NALCN: variants seen among roughly 807,000 people sequenced by gnomAD.
NALCN encodes the protein sodium leak channel NALCN.
In NALCN, 111 loss-of-function variants were observed where a neutral mutation model predicts 225.3. The observed-to-expected ratio is 0.49, with a 90% CI of 0.42 to 0.58. NALCN has a LOEUF of 0.58. Among genes scored for constraint, NALCN ranks in the 20% least tolerant of loss-of-function variants. The pLI is 0.00. For missense variants in NALCN, 1,378 were observed against 2,202.4 expected (o/e 0.63, Z 7.49); for synonymous variants, 764 against 769.0 (o/e 0.99, Z 0.11).
rs767899309 is a variant in NALCN, at chr13:101,346,057, T to TTCTCTCTCTC, written c.645-647_645-638dup. 8.6e-3 allele frequency among the ~76,000 whole-genome samples: 650 copies of TTCTCTCTCTC among 75,388 alleles called. 8 individuals carry two copies. Among genetic ancestry groups the TTCTCTCTCTC allele is most frequent in the Non-Finnish European group, 9.3e-3 (365 of 39,452 alleles). The allele number at this position is 75,388 out of a possible 152,430, so 49.5% of individuals were successfully genotyped here. The stretch of plus-strand genomic sequence containing the variant: ...TATATATATGAGACCTTGAGAGACT[T>TTCTCTCTCTC]TCTCTCTCTCTCTCTCTCTCTCTCT... On this transcript the variant is annotated intron_variant, in intron 6 of 43. Coordinates refer to ENST00000251127, the MANE Select transcript of NALCN (RefSeq NM_052867.4).
At chr13:101,262,788 G>GT (rs1296458024) in intron 10 of NALCN, among the ~76,000 whole-genome samples, 1 of 152,260 alleles carries the variant, frequency 6.6e-6, no homozygotes, top group African/African-American at 2.4e-5. Flanking sequence ...GCCTGGAGCC[G>GT]TAACTCCACC....
intron 7 of NALCN, among the ~76,000 whole-genome samples, chr13:101,329,304 C>T (rs1399679837): frequency 6.6e-6 from 1 of 152,072 alleles, no homozygotes; most frequent in Non-Finnish European, 1.5e-5. Flanking sequence ...TGCTTATTTG[C>T]TGAAGTACTT....
chr13:101,127,355 CTTTTG>C (rs766844926), intron 17 of NALCN, among the ~76,000 whole-genome samples: 3 of 152,004 alleles, frequency 2.0e-5, no homozygotes, highest in Non-Finnish European at 4.4e-5. Context: ...TTGGGATGTT[CTTTTG>C]TTTTGTTTTG....
chr13:101,176,264 G>T, intron 15 of NALCN, 36 bp downstream of exon 15: 2 of 1,450,376 alleles, frequency 1.4e-6, no homozygotes, highest in Admixed American at 2.6e-5. Context: ...CTGGTTTTTT[G>T]TCCTTTTTAA....
intron 17 of NALCN, among the ~76,000 whole-genome samples, chr13:101,134,126 C>T (rs606469): frequency 0.12 from 17,540 of 151,904 alleles, 1,804 homozygotes; most frequent in African/African-American, 0.28. Context: ...GCTGAGATCG[C>T]GCCACTGCAC....
intron 34 of NALCN, among the ~76,000 whole-genome samples, chr13:101,077,273 T>C (rs1272527563): frequency 1.3e-5 from 2 of 152,174 alleles, no homozygotes; most frequent in East Asian, 1.9e-4. Context: ...ACACAGTAAA[T>C]TCGTACTTAG....
At chr13:101,220,280 T>G (rs2040887280) in intron 13 of NALCN, among the ~76,000 whole-genome samples, 1 of 152,194 alleles carries the variant, frequency 6.6e-6, no homozygotes, top group Non-Finnish European at 1.5e-5. Flanking sequence ...CAACCTACCT[T>G]AAGCACTCAA....
chr13:101,294,431 C>T (rs996815028), intron 7 of NALCN, among the ~76,000 whole-genome samples: 11 of 151,944 alleles, frequency 7.2e-5, no homozygotes, highest in African/African-American at 2.7e-4. Context: ...CAAAATATCA[C>T]AGGTACCCCA....
At chr13:101,273,289 A>C (rs1023917439) in intron 10 of NALCN, among the ~76,000 whole-genome samples, 1 of 152,202 alleles carries the variant, frequency 6.6e-6, no homozygotes, top group African/African-American at 2.4e-5. Flanking sequence ...CTATTTATCA[A>C]GCACTGGAGT....
chr13:101,214,016 C>G (rs2040626423), intron 13 of NALCN, among the ~76,000 whole-genome samples: 1 of 152,152 alleles, frequency 6.6e-6, no homozygotes, highest in African/African-American at 2.4e-5. Flanking sequence ...TGGCACTATT[C>G]ACAATAGCAA....
At position 101,279,830 on chromosome 13, in the gene NALCN, A is replaced by AT. The variant is rs1276962282; in HGVS notation, c.1134+4102dup. On this transcript the variant is annotated intron_variant, in intron 10 of 43. Transcript: ENST00000251127. ...AGACTCCGTCTCAAAAAATAAATAA[A>AT]TAAATAAAATAAATAAATAAATAAA... Among the ~76,000 whole-genome samples the AT allele has an allele frequency of 2.0e-3, 142 of 69,670 alleles. 1 individual carries two copies. Among genetic ancestry groups the AT allele is most frequent in the African/African-American group, 5.3e-3 (135 of 25,352 alleles). The allele number at this position is 69,670 out of a possible 152,430, so 45.7% of individuals were successfully genotyped here. A position where few individuals can be genotyped will look rare whatever the true frequency, so the allele number is the denominator to read the frequency against.
At position 101,054,453 on chromosome 13, in the gene NALCN, A is replaced by G. The variant is rs1298517057; in HGVS notation, c.*842T>C. On this transcript the variant is annotated 3_prime_UTR_variant, in exon 44 of 44. Coordinates refer to ENST00000251127, the MANE Select transcript of NALCN (RefSeq NM_052867.4). ...AATGAAGCCAATGATAACATCACAC[A>G]TGCAAAGATTTTTTTAAATAAATTG... 2.7e-5 allele frequency: 4 copies of G among 146,456 alleles called. No homozygotes were observed. Among genetic ancestry groups the G allele is most frequent in the African/African-American group, 5.0e-5 (2 of 40,282 alleles). 9.1% of individuals were successfully genotyped at this position (146,456 alleles called of 1,614,324 possible).
intron 18 of NALCN, chr13:101,116,530 C>T (rs770753053): frequency 5.8e-6 from 3 of 516,410 alleles, no homozygotes; most frequent in African/African-American, 3.9e-5. Flanking sequence ...TTCTTTTCTT[C>T]TTTGTCTCCA....
At chr13:101,266,168 TGGA>T (rs2042589400) in intron 10 of NALCN, among the ~76,000 whole-genome samples, 1 of 152,156 alleles carries the variant, frequency 6.6e-6, no homozygotes, top group Non-Finnish European at 1.5e-5. Flanking sequence ...TAGCCTGCAG[TGGA>T]CACCGTGTGC....
intron 12 of NALCN, among the ~76,000 whole-genome samples, chr13:101,231,270 T>A (rs867022043): frequency 3.0e-4 from 46 of 151,878 alleles, no homozygotes; most frequent in African/African-American, 9.7e-4. Context: ...CAAAAAAAAA[T>A]AAGTAATTAA....
intron 15 of NALCN, among the ~76,000 whole-genome samples, chr13:101,172,886 G>A (rs9518326): frequency 0.25 from 37,604 of 151,656 alleles, 5,349 homozygotes; most frequent in Non-Finnish European, 0.33. Context: ...ATTTTAGAGC[G>A]AACAGGCCCT....
At chr13:101,153,766 T>C (rs538837703) in intron 15 of NALCN, among the ~76,000 whole-genome samples, 95 of 152,324 alleles carry the variant, frequency 6.2e-4, no homozygotes, top group African/African-American at 2.2e-3. Flanking sequence ...TCTGTCTTAG[T>C]TTTTTCCCTT....
chr13:101,148,613 C>T (rs2037475284), intron 15 of NALCN, among the ~76,000 whole-genome samples: 1 of 152,146 alleles, frequency 6.6e-6, no homozygotes, highest in South Asian at 2.1e-4. Context: ...TTCTCTTTTC[C>T]CTGAGACTGT....
At chr13:101,328,424 A>C (rs1191797891) in intron 7 of NALCN, among the ~76,000 whole-genome samples, 2 of 151,760 alleles carry the variant, frequency 1.3e-5, no homozygotes, top group African/African-American at 2.4e-5. Flanking sequence ...CCATCCTCCC[A>C]CCTCAGCCTC....
Sources: gnomAD v4.1 joint callset for allele counts (sites outside exome capture counted in the v4.1 genomes callset) on GRCh38, gnomAD v4.1.1 for gene constraint, MANE v1.5 for transcripts, NCBI Gene and HGNC (gene_info 2026-07-23, HGNC 2026-07-21) for gene names.